Variants in ABCC4 observed in about 807,000 individuals in gnomAD.
ABCC4 encodes ATP binding cassette subfamily C member 4 (PEL blood group), also known as ATP-binding cassette sub-family C member 4.
Under a neutral mutation model 168.5 loss-of-function variants are expected in ABCC4, and 102 were observed. That is an observed-to-expected ratio of 0.61 (90% confidence interval 0.52 to 0.71). The LOEUF is 0.71. Ranked by LOEUF, ABCC4 falls within the 30% of genes least tolerant of loss-of-function variation. The pLI is 0.00. For synonymous variants in ABCC4, 617 were observed against 590.7 expected (o/e 1.04, Z -0.65); for missense variants, 1,402 against 1,605.8 (o/e 0.87, Z 2.17).
At position 95,062,594 on chromosome 13, in the gene ABCC4, GA is replaced by G. The variant is rs4148538; in HGVS notation, c.3366+109del. The G allele has an allele frequency of 3.3e-3, 3,391 of 1,029,066 alleles. 92 individuals are homozygous for G. In the African/African-American group the frequency reaches 0.048, roughly 15 times the overall value. 63.7% of individuals were successfully genotyped at this position (1,029,066 alleles called of 1,614,324 possible). A position where few individuals can be genotyped will look rare whatever the true frequency, so the allele number is the denominator to read the frequency against. On this transcript the variant is annotated intron_variant, in intron 26 of 30. Coordinates refer to ENST00000645237, the MANE Select transcript of ABCC4 (RefSeq NM_005845.5). ...CTCATAAAAACATGCTCTATTGGGT[GA>G]AAAAAAAAACAATCCTTTCATCCAA...
intron 7 of ABCC4, among the ~76,000 whole-genome samples, chr13:95,207,461 A>G (rs946193471): frequency 1.3e-5 from 2 of 152,258 alleles, no homozygotes; most frequent in African/African-American, 4.8e-5. Context: ...ATTTGGCTAC[A>G]TTAATATAAA....
intron 1 of ABCC4, among the ~76,000 whole-genome samples, chr13:95,259,853 G>A (rs951026721): frequency 8.3e-6 from 1 of 120,412 alleles, no homozygotes; most frequent in Non-Finnish European, 1.6e-5. Flanking sequence ...TGTGTAGTGT[G>A]GGGAAAAAAA....
At chr13:95,225,279 C>T (rs2039432221) in intron 4 of ABCC4, among the ~76,000 whole-genome samples, 1 of 151,968 alleles carries the variant, frequency 6.6e-6, no homozygotes, top group African/African-American at 2.4e-5. Flanking sequence ...ATTACTGCAA[C>T]TTAACGCACT....
chr13:95,196,414 G>A (rs1015812204), intron 8 of ABCC4, among the ~76,000 whole-genome samples: 3 of 152,082 alleles, frequency 2.0e-5, no homozygotes, highest in Non-Finnish European at 2.9e-5. Flanking sequence ...CTTGGAAGCT[G>A]CCTGGACAAC....
At chr13:95,285,553 TA>T (rs1219485635) in intron 1 of ABCC4, among the ~76,000 whole-genome samples, 2 of 152,052 alleles carry the variant, frequency 1.3e-5, no homozygotes, top group Non-Finnish European at 2.9e-5. Flanking sequence ...CCATCTCAAA[TA>T]AATAAATAAA....
At chr13:95,046,433 C>CT (rs1382101046) in intron 27 of ABCC4, among the ~76,000 whole-genome samples, 2 of 152,144 alleles carry the variant, frequency 1.3e-5, no homozygotes, top group African/African-American at 4.8e-5. Flanking sequence ...TTCTGAGACT[C>CT]TGTCATCATG....
At chr13:95,133,579 C>G (rs2036047358) in intron 19 of ABCC4, among the ~76,000 whole-genome samples, 1 of 152,138 alleles carries the variant, frequency 6.6e-6, no homozygotes, top group Non-Finnish European at 1.5e-5. Context: ...GCTGTGGTAG[C>G]CCCTCTGTCA....
At chr13:95,191,769 C>T (rs968013732) in intron 9 of ABCC4, among the ~76,000 whole-genome samples, 1 of 152,162 alleles carries the variant, frequency 6.6e-6, no homozygotes. Context: ...TGCAGTGTGT[C>T]TCTTTCCTAA....
chr13:95,255,017 C>CT (rs2138831506), intron 1 of ABCC4, among the ~76,000 whole-genome samples: 1 of 152,322 alleles, frequency 6.6e-6, no homozygotes, highest in Admixed American at 6.5e-5. Flanking sequence ...ATGATATCAA[C>CT]TTCTCAGTTA....
chr13:95,272,211 AT>A (rs1336665971), intron 1 of ABCC4, among the ~76,000 whole-genome samples: 1 of 151,962 alleles, frequency 6.6e-6, no homozygotes, highest in Non-Finnish European at 1.5e-5. Flanking sequence ...CACCCGGCTA[AT>A]TTTTTGTATT....
At position 95,234,195 on chromosome 13, in the gene ABCC4, G is replaced by A. The variant is rs537804556; in HGVS notation, c.531+415C>T. Among the ~76,000 whole-genome samples, 6 of 152,252 alleles carry A rather than the reference G, an allele frequency of 3.9e-5. No individual in the cohort carries two copies. The South Asian group carries it at 1.2e-3, about 32-fold the overall frequency. The stretch of plus-strand genomic sequence containing the variant: ...CTGTGATGTAAGTGAAGGTTTTAAT[G>A]AACAACAACAAAAATTTCCATAAAT... On this transcript the variant is annotated intron_variant, in intron 4 of 30. Transcript: ENST00000645237.
At chr13:95,081,664 AC>A (rs2034099595) in intron 21 of ABCC4, among the ~76,000 whole-genome samples, 2 of 152,056 alleles carry the variant, frequency 1.3e-5, no homozygotes, top group Non-Finnish European at 2.9e-5. Flanking sequence ...ATGGACTGTC[AC>A]CCCTTCTACT....
intron 4 of ABCC4, among the ~76,000 whole-genome samples, chr13:95,220,945 C>G (rs2039295578): frequency 6.6e-6 from 1 of 152,200 alleles, no homozygotes; most frequent in Non-Finnish European, 1.5e-5. Flanking sequence ...CTTTCCTCTT[C>G]CACTACAGCT....
chr13:95,234,981 C>G (rs2039726110), intron 3 of ABCC4, 147 bp from the exon 4 acceptor site: 1 of 640,230 alleles, frequency 1.6e-6, no homozygotes, highest in African/African-American at 1.8e-5. Flanking sequence ...GCCTCGAACT[C>G]CCTAACTCAA....
intron 1 of ABCC4, among the ~76,000 whole-genome samples, chr13:95,274,534 C>CTAAA (rs1292284089): frequency 6.6e-6 from 1 of 152,178 alleles, no homozygotes; most frequent in Non-Finnish European, 1.5e-5. Context: ...CTAGCCAATT[C>CTAAA]TAAACTGTTC....
At chr13:95,269,437 AT>A (rs750872672) in intron 1 of ABCC4, 6,265 of 98,848 alleles carry the variant, frequency 0.063, 436 homozygotes, top group East Asian at 0.45. Flanking sequence ...AAAAAAAAAT[AT>A]ATATATATAT....
intron 20 of ABCC4, among the ~76,000 whole-genome samples, chr13:95,107,152 G>T (rs2035036571): frequency 6.6e-6 from 1 of 152,158 alleles, no homozygotes; most frequent in South Asian, 2.1e-4. Context: ...AGCTACCCGG[G>T]AGGCTGAGGC....
At chr13:95,057,055 T>C (rs1049198532) in intron 26 of ABCC4, among the ~76,000 whole-genome samples, 1 of 152,208 alleles carries the variant, frequency 6.6e-6, no homozygotes, top group African/African-American at 2.4e-5. Context: ...CAAACTCTTG[T>C]CTGAGTTATA....
At chr13:95,242,684 C>T (rs2039981102) in intron 3 of ABCC4, among the ~76,000 whole-genome samples, 1 of 152,122 alleles carries the variant, frequency 6.6e-6, no homozygotes, top group African/African-American at 2.4e-5. Context: ...CATGCCTGGC[C>T]AATAAATAGC....
Sources: allele counts gnomAD v4.1 joint callset (sites outside exome capture counted in the v4.1 genomes callset), GRCh38; gene constraint gnomAD v4.1.1; transcripts MANE v1.5; gene names NCBI Gene and HGNC (gene_info 2026-07-23, HGNC 2026-07-21).